The following GALNTL6 variants were observed in gnomAD, a reference collection of about 807,000 sequenced individuals.
The protein encoded by GALNTL6 is polypeptide N-acetylgalactosaminyltransferase like 6.
GALNTL6 carries 46 observed loss-of-function variants against 73.7 expected under a neutral mutation model. The observed-to-expected ratio is 0.62, with a 90% CI of 0.49 to 0.80. The LOEUF (loss-of-function observed/expected upper bound fraction) is 0.80, where lower values mean the gene tolerates loss of function less well. Ranked by LOEUF, GALNTL6 falls within the 30% of genes least tolerant of loss-of-function variation. GALNTL6 has a pLI of 0.00. For missense variants in GALNTL6, 604 were observed against 755.0 expected (o/e 0.80, Z 2.34); for synonymous variants, 259 against 263.7 (o/e 0.98, Z 0.17).
chr4:172,760,128 GC>G (rs1448827928), intron 5 of GALNTL6, among the ~76,000 whole-genome samples: 2 of 151,652 alleles, frequency 1.3e-5, no homozygotes, highest in Admixed American at 1.3e-4. Flanking sequence ...GAGCCACCGC[GC>G]CCGGCCACCA....
At chr4:172,586,376 AT>A (rs900463857) in intron 5 of GALNTL6, among the ~76,000 whole-genome samples, 42 of 151,986 alleles carry the variant, frequency 2.8e-4, no homozygotes, top group African/African-American at 9.4e-4. Flanking sequence ...TTAATTCTGG[AT>A]TGCAACAATT....
intron 2 of GALNTL6, among the ~76,000 whole-genome samples, chr4:172,055,421 A>C (rs1730993378): frequency 6.6e-6 from 1 of 152,206 alleles, no homozygotes; most frequent in Non-Finnish European, 1.5e-5. Context: ...TTTCTAAAAA[A>C]ATAGGAAATT....
intron 2 of GALNTL6, among the ~76,000 whole-genome samples, chr4:171,847,232 G>T (rs534302550): frequency 1.3e-5 from 2 of 152,126 alleles, no homozygotes; most frequent in African/African-American, 2.4e-5. Flanking sequence ...ACATATTTTT[G>T]AGTTTCCCAG....
intron 5 of GALNTL6, among the ~76,000 whole-genome samples, chr4:172,467,365 G>C (rs1033557179): frequency 3.9e-5 from 6 of 152,196 alleles, no homozygotes; most frequent in Non-Finnish European, 8.8e-5. Flanking sequence ...AAATTTCGTA[G>C]GGTTCAGAGA....
chr4:172,304,146 G>T (rs1740039404), intron 3 of GALNTL6, among the ~76,000 whole-genome samples: 1 of 152,144 alleles, frequency 6.6e-6, no homozygotes, highest in Admixed American at 6.5e-5. Flanking sequence ...CCCAGACCTT[G>T]TCACAGAGTA....
chr4:172,246,360 A>C (rs752708320), intron 3 of GALNTL6, among the ~76,000 whole-genome samples: 4 of 152,318 alleles, frequency 2.6e-5, no homozygotes, highest in Non-Finnish European at 5.9e-5. Flanking sequence ...CAATATTATG[A>C]GTAGGATCCA....
At chr4:171,905,311 A>T (rs1232648992) in intron 2 of GALNTL6, among the ~76,000 whole-genome samples, 1 of 151,816 alleles carries the variant, frequency 6.6e-6, no homozygotes, top group East Asian at 1.9e-4. Context: ...TCTACCAAGC[A>T]AATGGAAAAC....
chr4:172,255,224 C>T (rs1738030096), intron 3 of GALNTL6, among the ~76,000 whole-genome samples: 1 of 151,590 alleles, frequency 6.6e-6, no homozygotes, highest in African/African-American at 2.4e-5. Context: ...TTAGTCCTCA[C>T]TTAATTGATA....
intron 2 of GALNTL6, among the ~76,000 whole-genome samples, chr4:172,009,858 C>A (rs117156890): frequency 5.3e-5 from 8 of 152,088 alleles, no homozygotes; most frequent in Non-Finnish European, 8.8e-5. Context: ...GACCTCCTTG[C>A]AGCCTGGGCA....
At chr4:172,813,772 A>G (rs759252017) in intron 7 of GALNTL6, 49 bp downstream of exon 7, 1 of 1,442,150 alleles carries the variant, frequency 6.9e-7, no homozygotes, top group Admixed American at 1.9e-5. Context: ...CAGGTAACTC[A>G]TTGCAGTGTT....
At chr4:172,678,682 T>A (rs1258011293) in intron 5 of GALNTL6, among the ~76,000 whole-genome samples, 2 of 152,224 alleles carry the variant, frequency 1.3e-5, no homozygotes, top group Admixed American at 1.3e-4. Flanking sequence ...TGCTAAACTT[T>A]TCTTGAGCTG....
At chr4:172,123,457 TA>T (rs1733207111) in intron 2 of GALNTL6, among the ~76,000 whole-genome samples, 1 of 148,410 alleles carries the variant, frequency 6.7e-6, no homozygotes. Context: ...ATTTGGAAAA[TA>T]AAACATTTAA....
chr4:172,481,312 A>T (rs1460115196), intron 5 of GALNTL6, among the ~76,000 whole-genome samples: 2 of 143,000 alleles, frequency 1.4e-5, no homozygotes, highest in African/African-American at 5.0e-5. Context: ...GCAGACCTTC[A>T]TGGTGAGTGT....
rs555393568 is a variant in GALNTL6 at position 172,306,508 on chromosome 4, T to C, written c.248-5106T>C. On this transcript the variant is annotated intron_variant, in intron 3 of 12. Coordinates refer to ENST00000506823, the MANE Select transcript of GALNTL6 (RefSeq NM_001034845.3). ...CCATTGTTTGGGAAAACAGGTGGTG[T>C]TTGTTTACATGGATAAATTTTTTAG... 2.0e-4 allele frequency among the ~76,000 whole-genome samples: 30 copies of C among 152,330 alleles called. 1 individual carries two copies. The East Asian group carries it at 5.6e-3, about 28-fold the overall frequency.
intron 5 of GALNTL6, among the ~76,000 whole-genome samples, chr4:172,517,634 T>C (rs1416920162): frequency 6.6e-6 from 1 of 152,134 alleles, no homozygotes; most frequent in Non-Finnish European, 1.5e-5. Flanking sequence ...TTTTAAACTA[T>C]ATCCTTTCTA....
chr4:171,938,637 A>G (rs1490117382), intron 2 of GALNTL6, among the ~76,000 whole-genome samples: 1 of 152,168 alleles, frequency 6.6e-6, no homozygotes, highest in South Asian at 2.1e-4. Flanking sequence ...AATTGTGACT[A>G]AAGTGAAGAT....
chr4:172,889,667 T>G (rs1745916245), intron 8 of GALNTL6, among the ~76,000 whole-genome samples: 1 of 152,204 alleles, frequency 6.6e-6, no homozygotes, highest in Non-Finnish European at 1.5e-5. Context: ...TTTTATTTTA[T>G]TGAGGGTTTT....
intron 5 of GALNTL6, among the ~76,000 whole-genome samples, chr4:172,786,620 A>C (rs1739665959): frequency 6.6e-6 from 1 of 152,182 alleles, no homozygotes; most frequent in Admixed American, 6.5e-5. Context: ...AATTCTTTCC[A>C]AAACTGTCAC....
At chr4:172,136,833 A>G (rs1480940601) in intron 2 of GALNTL6, among the ~76,000 whole-genome samples, 1 of 152,050 alleles carries the variant, frequency 6.6e-6, no homozygotes, top group Admixed American at 6.6e-5. Flanking sequence ...ACTAAAAAAT[A>G]CCAACCATGC....
Sources: gnomAD v4.1 joint callset for allele counts (sites outside exome capture counted in the v4.1 genomes callset) on GRCh38, gnomAD v4.1.1 for gene constraint, MANE v1.5 for transcripts, NCBI Gene and HGNC (gene_info 2026-07-23, HGNC 2026-07-21) for gene names.